EHBP1: variants seen among roughly 807,000 people sequenced by gnomAD.
EHBP1 encodes the protein EH domain-binding protein 1.
Under a neutral mutation model 144.0 loss-of-function variants are expected in EHBP1, and 55 were observed. The ratio of observed to expected loss-of-function variants is 0.38; its 90% CI spans 0.31 to 0.48. The LOEUF (loss-of-function observed/expected upper bound fraction) is 0.48, where lower values mean the gene tolerates loss of function less well. Among genes scored for constraint, EHBP1 ranks in the 20% least tolerant of loss-of-function variants. The pLI is 0.98. For synonymous variants in EHBP1, 469 were observed against 472.7 expected, an observed-to-expected ratio of 0.99 and a Z score of 0.10; for missense variants, 1,200 against 1,364.2, an observed-to-expected ratio of 0.88 and a Z score of 1.90.
intron 15 of EHBP1, among the ~76,000 whole-genome samples, chr2:62,979,577 T>C (rs958776039): frequency 1.3e-5 from 2 of 152,234 alleles, no homozygotes; most frequent in Non-Finnish European, 2.9e-5. Flanking sequence ...AATATGCTTT[T>C]GTAAAAAACT....
At chr2:62,830,029 A>T (rs1396520922) in intron 6 of EHBP1, among the ~76,000 whole-genome samples, 1 of 151,128 alleles carries the variant, frequency 6.6e-6, no homozygotes, top group East Asian at 1.9e-4. Context: ...CAGGAAAAAG[A>T]CACTTGCACA....
chr2:63,005,530 T>G (rs1160339737), intron 19 of EHBP1, among the ~76,000 whole-genome samples: 1 of 152,124 alleles, frequency 6.6e-6, no homozygotes, highest in African/African-American at 2.4e-5. Flanking sequence ...AATTTTTGAA[T>G]AGTGAATAGT....
At chr2:62,988,295 T>C (rs1289125512) in intron 15 of EHBP1, among the ~76,000 whole-genome samples, 1 of 152,120 alleles carries the variant, frequency 6.6e-6, no homozygotes, top group African/African-American at 2.4e-5. Flanking sequence ...TTGTATTTTA[T>C]GTTATGTGAG....
At chr2:62,971,888 C>T (rs1268700807) in intron 14 of EHBP1, among the ~76,000 whole-genome samples, 3 of 152,110 alleles carry the variant, frequency 2.0e-5, no homozygotes, top group African/African-American at 7.2e-5. Flanking sequence ...CAAGACTATC[C>T]TTTATAACTC....
intron 7 of EHBP1, among the ~76,000 whole-genome samples, chr2:62,857,811 G>T (rs1364978653): frequency 6.6e-6 from 1 of 150,692 alleles, no homozygotes; most frequent in East Asian, 1.9e-4. Flanking sequence ...TTTATTATAA[G>T]ATTTTTCTAA....
intron 9 of EHBP1, among the ~76,000 whole-genome samples, chr2:62,870,080 G>C (rs138526561): frequency 6.6e-6 from 1 of 152,178 alleles, no homozygotes; most frequent in Non-Finnish European, 1.5e-5. Flanking sequence ...CTTTAAAAAT[G>C]CAGGTTGAAA....
At chr2:62,985,418 A>C (rs2059144048) in intron 15 of EHBP1, among the ~76,000 whole-genome samples, 1 of 152,190 alleles carries the variant, frequency 6.6e-6, no homozygotes. Flanking sequence ...TACCTACTTC[A>C]CAACTGATGA....
At chr2:62,872,330 C>T (rs1043068171) in intron 9 of EHBP1, among the ~76,000 whole-genome samples, 20 of 151,992 alleles carry the variant, frequency 1.3e-4, no homozygotes, top group Non-Finnish European at 7.4e-5. Context: ...CTCAAATATA[C>T]AATACCAAGA....
intron 5 of EHBP1, among the ~76,000 whole-genome samples, chr2:62,775,736 A>G (rs1328725419): frequency 1.3e-5 from 2 of 152,214 alleles, no homozygotes; most frequent in Non-Finnish European, 2.9e-5. Context: ...TTTGCTCATT[A>G]TAATAACTCT....
chr2:63,022,354 G>A (rs779317303), intron 19 of EHBP1, among the ~76,000 whole-genome samples: 3 of 151,186 alleles, frequency 2.0e-5, no homozygotes, highest in Non-Finnish European at 2.9e-5. Context: ...TCACTCTGTC[G>A]CACAGGCTGG....
chr2:62,879,032 C>CA (rs2051137569), intron 10 of EHBP1, among the ~76,000 whole-genome samples: 2 of 147,460 alleles, frequency 1.4e-5, no homozygotes, highest in African/African-American at 5.0e-5. Context: ...AAAAAAAAAA[C>CA]AAAAAACTAC....
chr2:62,755,989 C>G (rs556677992), intron 3 of EHBP1, among the ~76,000 whole-genome samples: 1 of 151,220 alleles, frequency 6.6e-6, no homozygotes, highest in Non-Finnish European at 1.5e-5. Context: ...TTAAGAATAC[C>G]CTGGCTGGTT....
chr2:62,931,428 C>G (rs2055981433), intron 10 of EHBP1, among the ~76,000 whole-genome samples: 1 of 152,116 alleles, frequency 6.6e-6, no homozygotes, highest in African/African-American at 2.4e-5. Context: ...CCCTTGTGCA[C>G]TGATGGTGTG....
intron 5 of EHBP1, among the ~76,000 whole-genome samples, chr2:62,813,897 C>T (rs1381121435): frequency 6.6e-6 from 1 of 152,196 alleles, no homozygotes; most frequent in African/African-American, 2.4e-5. Context: ...CACAGGTTCA[C>T]ATCTGGAGAG....
At chr2:62,973,663 C>A (rs2058588531) in intron 14 of EHBP1, among the ~76,000 whole-genome samples, 1 of 152,172 alleles carries the variant, frequency 6.6e-6, no homozygotes, top group South Asian at 2.1e-4. Context: ...CATTATCAAT[C>A]CTGTAATTTC....
At chr2:62,872,111 C>CT (rs2050539332) in intron 9 of EHBP1, 3 of 152,086 alleles carry the variant, frequency 2.0e-5, no homozygotes, top group Admixed American at 2.0e-4. Flanking sequence ...GAGGAAGAGA[C>CT]TATTCCTTAG....
At chr2:62,897,552 T>G (rs541843120) in intron 10 of EHBP1, among the ~76,000 whole-genome samples, 2 of 152,342 alleles carry the variant, frequency 1.3e-5, no homozygotes, top group East Asian at 3.9e-4. Context: ...ATTCTATGAC[T>G]TAAAAAATAC....
intron 16 of EHBP1, among the ~76,000 whole-genome samples, chr2:62,993,061 A>T (rs2059476840): frequency 6.6e-6 from 1 of 152,318 alleles, no homozygotes; most frequent in Middle Eastern, 3.4e-3. Flanking sequence ...CTTAGCTGTA[A>T]AGGGCTTACT....
intron 14 of EHBP1, among the ~76,000 whole-genome samples, chr2:62,970,478 G>A (rs886778585): frequency 3.9e-5 from 6 of 152,010 alleles, no homozygotes; most frequent in African/African-American, 1.5e-4. Context: ...AAACTACATT[G>A]TTTGAAATAA....
Sources: gnomAD v4.1 joint callset for allele counts (sites outside exome capture counted in the v4.1 genomes callset) on GRCh38, gnomAD v4.1.1 for gene constraint, MANE v1.5 for transcripts, NCBI Gene and HGNC (gene_info 2026-07-23, HGNC 2026-07-21) for gene names.